AGBL4: variants seen among roughly 807,000 people sequenced by gnomAD.
AGBL4 encodes cytosolic carboxypeptidase 6.
In AGBL4, 58 loss-of-function variants were observed where a neutral mutation model predicts 66.4. That is an observed-to-expected ratio of 0.87 (90% CI 0.71 to 1.09). The LOEUF is 1.09. Ranked by LOEUF, AGBL4 falls within the 50% of genes least tolerant of loss-of-function variation. The pLI is 0.00. For missense variants in AGBL4, 579 were observed against 631.0 expected, an observed-to-expected ratio of 0.92 and a Z score of 0.88; for synonymous variants, 234 against 222.9, an observed-to-expected ratio of 1.05 and a Z score of -0.44.
chr1:48,929,259 C>A lies in AGBL4; in HGVS notation c.595-62029G>T, dbSNP rs527657104. Among the ~76,000 whole-genome samples, 6 of 152,290 alleles carry A rather than the reference C, an allele frequency of 3.9e-5. No homozygotes were observed. The South Asian group carries it at 1.2e-3, about 32-fold the overall frequency. ...ATCCCACGGCCTAGAGGGACCAGCA[C>A]AATCTGGCCCCACCTACATCTCACC... is the stretch of plus-strand genomic sequence containing the variant. On this transcript the variant is annotated intron_variant, in intron 5 of 13. Coordinates refer to ENST00000371839, the MANE Select transcript of AGBL4 (RefSeq NM_032785.4).
chr1:48,977,865 A>G (rs1249015206), intron 5 of AGBL4, among the ~76,000 whole-genome samples: 1 of 152,160 alleles, frequency 6.6e-6, no homozygotes, highest in Non-Finnish European at 1.5e-5. Flanking sequence ...AAGTTAGTGG[A>G]AAAATAAAGT....
At chr1:49,231,402 C>T (rs1650298756) in intron 4 of AGBL4, among the ~76,000 whole-genome samples, 1 of 152,162 alleles carries the variant, frequency 6.6e-6, no homozygotes, top group African/African-American at 2.4e-5. Context: ...TGGATCCTAT[C>T]CCAGACCACT....
intron 6 of AGBL4, among the ~76,000 whole-genome samples, chr1:48,696,686 G>A (rs894212873): frequency 2.6e-5 from 4 of 152,122 alleles, no homozygotes; most frequent in African/African-American, 7.2e-5. Context: ...TTTCCAGGAG[G>A]GGCTTCACTC....
intron 4 of AGBL4, among the ~76,000 whole-genome samples, chr1:49,130,410 A>G (rs1308564124): frequency 6.6e-6 from 1 of 152,042 alleles, no homozygotes; most frequent in Non-Finnish European, 1.5e-5. Context: ...CTGAATGGTA[A>G]TGCCTAGGTT....
rs183118849 is a variant in AGBL4, at chr1:48,644,787, C to T, written c.839+8550G>A. 2.1e-3 allele frequency among the ~76,000 whole-genome samples: 323 copies of T among 152,250 alleles called. 2 individuals carry two copies. The highest frequency in any genetic ancestry group is 7.5e-3 in the African/African-American group (312 of 41,554). On this transcript the variant is annotated intron_variant, in intron 8 of 13. Transcript: ENST00000371839. ...GCTGAATACCAGGCTAAAGAGCTTTCGTTCTTTCTGAGGGTCAATGGGGAG... is the reference window on the plus strand; with the variant it reads ...GCTGAATACCAGGCTAAAGAGCTTTTGTTCTTTCTGAGGGTCAATGGGGAG...
At chr1:48,810,727 T>C (rs999562616) in intron 6 of AGBL4, among the ~76,000 whole-genome samples, 1 of 151,798 alleles carries the variant, frequency 6.6e-6, no homozygotes, top group African/African-American at 2.4e-5. Flanking sequence ...GATTTGGGAG[T>C]TTTTCTGTAT....
intron 3 of AGBL4, among the ~76,000 whole-genome samples, chr1:49,565,396 C>T (rs1448468126): frequency 4.6e-5 from 7 of 152,194 alleles, no homozygotes; most frequent in Non-Finnish European, 8.8e-5. Context: ...TTCTTCCTAG[C>T]CTTGATGGTC....
chr1:49,101,345 C>T (rs1645198078), intron 4 of AGBL4, among the ~76,000 whole-genome samples: 1 of 151,970 alleles, frequency 6.6e-6, no homozygotes, highest in Non-Finnish European at 1.5e-5. Context: ...TGGCAGCATC[C>T]CCAGCTAATT....
At chr1:48,930,541 TCA>T (rs767151952) in intron 5 of AGBL4, among the ~76,000 whole-genome samples, 7 of 152,294 alleles carry the variant, frequency 4.6e-5, no homozygotes, top group Non-Finnish European at 8.8e-5. Flanking sequence ...TAATTCATGC[TCA>T]CAGTTACTTT....
chr1:49,712,468 G>T (rs1375163110), intron 2 of AGBL4, among the ~76,000 whole-genome samples: 1 of 151,716 alleles, frequency 6.6e-6, no homozygotes, highest in Admixed American at 6.6e-5. Context: ...ATGAAGAATG[G>T]GGAGATAAAG....
At chr1:49,829,155 T>C (rs1374593523) in intron 2 of AGBL4, among the ~76,000 whole-genome samples, 1 of 151,784 alleles carries the variant, frequency 6.6e-6, no homozygotes, top group African/African-American at 2.4e-5. Flanking sequence ...AGAAAATAAA[T>C]TAATGGATTC....
At chr1:49,490,414 C>T (rs186640787) in intron 3 of AGBL4, among the ~76,000 whole-genome samples, 2 of 151,734 alleles carry the variant, frequency 1.3e-5, no homozygotes, top group African/African-American at 2.4e-5. Flanking sequence ...TTTTTTCCTA[C>T]ATATTGCTGG....
chr1:48,949,533 G>T (rs536684611), intron 5 of AGBL4, among the ~76,000 whole-genome samples: 1 of 152,268 alleles, frequency 6.6e-6, no homozygotes, highest in East Asian at 1.9e-4. Context: ...TTTGAACAGA[G>T]GAGCCTCCAA....
intron 3 of AGBL4, among the ~76,000 whole-genome samples, chr1:49,609,372 A>G (rs1645114425): frequency 6.6e-6 from 1 of 152,210 alleles, no homozygotes. Context: ...AAGAAAAATA[A>G]GAACCAGTTC....
intron 4 of AGBL4, chr1:49,174,831 CA>C (rs1646802462): frequency 6.6e-6 from 1 of 151,106 alleles, no homozygotes; most frequent in African/African-American, 2.4e-5. Flanking sequence ...ACTCAAATGG[CA>C]GGGAAAAAAA....
intron 3 of AGBL4, among the ~76,000 whole-genome samples, chr1:49,406,135 A>C (rs1645192184): frequency 6.6e-6 from 1 of 152,194 alleles, no homozygotes; most frequent in South Asian, 2.1e-4. Flanking sequence ...CATGGTAAGC[A>C]CTCTGGAAGA....
chr1:49,220,536 T>A (rs974549062), intron 4 of AGBL4, among the ~76,000 whole-genome samples: 1 of 152,180 alleles, frequency 6.6e-6, no homozygotes, highest in Non-Finnish European at 1.5e-5. Flanking sequence ...GCATATAATA[T>A]ATGCTTAATA....
chr1:49,127,427 C>T (rs972089926), intron 4 of AGBL4, among the ~76,000 whole-genome samples: 5 of 151,998 alleles, frequency 3.3e-5, no homozygotes, highest in Admixed American at 6.6e-5. Context: ...TCCTCAAAAA[C>T]GTATGAAAAT....
chr1:48,622,741 C>G (rs1444433635), intron 9 of AGBL4, among the ~76,000 whole-genome samples: 1 of 152,116 alleles, frequency 6.6e-6, no homozygotes, highest in East Asian at 1.9e-4. Context: ...GCCTTGGCCT[C>G]CCAAAGAGCT....
Sources: gnomAD v4.1 joint callset for allele counts (sites outside exome capture counted in the v4.1 genomes callset) on GRCh38, gnomAD v4.1.1 for gene constraint, MANE v1.5 for transcripts, NCBI Gene and HGNC (gene_info 2026-07-23, HGNC 2026-07-21) for gene names.